The following TXNRD1 variants were observed in gnomAD, a reference collection of about 807,000 sequenced individuals.
TXNRD1 encodes the protein thioredoxin reductase 1.
Under a neutral mutation model 80.3 loss-of-function variants are expected in TXNRD1, and 57 were observed. The ratio of observed to expected loss-of-function variants is 0.71; its 90% CI spans 0.57 to 0.89. The LOEUF (loss-of-function observed/expected upper bound fraction) is 0.89. TXNRD1 is among the 40% of genes least tolerant of loss of function. TXNRD1 has a pLI of 0.00. For synonymous variants in TXNRD1, 291 were observed against 285.2 expected (o/e 1.02, Z -0.20); for missense variants, 730 against 803.0 (o/e 0.91, Z 1.10).
intron 4 of TXNRD1, among the ~76,000 whole-genome samples, chr12:104,290,751 ATATATATG>A (rs1360772111): frequency 2.6e-5 from 3 of 117,526 alleles, no homozygotes; most frequent in Non-Finnish European, 5.3e-5. Context: ...ATATATATAT[ATATATATG>A]TATATTTCTT....
At chr12:104,222,638 AG>A (rs2032380973) in intron 1 of TXNRD1, among the ~76,000 whole-genome samples, 1 of 152,196 alleles carries the variant, frequency 6.6e-6, no homozygotes. Flanking sequence ...AGATCACTTG[AG>A]GTCAGGAGTT....
At chr12:104,318,561 C>T (rs1205313158) in intron 7 of TXNRD1, among the ~76,000 whole-genome samples, 2 of 152,210 alleles carry the variant, frequency 1.3e-5, no homozygotes, top group Non-Finnish European at 2.9e-5. Flanking sequence ...CCATACTCGG[C>T]TACATCAGAA....
At chr12:104,275,800 A>T (rs1453361405) in intron 3 of TXNRD1, among the ~76,000 whole-genome samples, 1 of 152,216 alleles carries the variant, frequency 6.6e-6, no homozygotes, top group African/African-American at 2.4e-5. Flanking sequence ...TCATGGATTT[A>T]TACCATGCAT....
intron 1 of TXNRD1, among the ~76,000 whole-genome samples, chr12:104,224,050 T>C (rs1033813909): frequency 3.9e-5 from 6 of 152,234 alleles, no homozygotes; most frequent in Admixed American, 3.3e-4. Flanking sequence ...TGATGAAATT[T>C]CTTTAAGGAT....
At position 104,348,365 on chromosome 12, in the gene TXNRD1, T is replaced by C. The variant is rs769813432; in HGVS notation, c.1894T>C (p.Leu632=). The change falls in exon 17 of 17, where the codon TTG becomes CTG. Residue 632 remains leucine (L), a synonymous_variant. Coordinates refer to ENST00000525566, the MANE Select transcript of TXNRD1 (RefSeq NM_001093771.3). ...TCTTCCCCTGCAGGTATTCACAACA[T>C]TGTCTGTGACCAAGCGCTCTGGGGC... The part of the protein sequence containing the change: ...HPVCAEVFTT[L]SVTKRSGASI... The C allele has an allele frequency of 6.8e-6, 11 of 1,613,922 alleles. No individual in the cohort carries two copies. The African/African-American group carries it at 1.5e-4, about 22-fold the overall frequency.
chr12:104,308,609 A>G (rs1053511425), intron 4 of TXNRD1, among the ~76,000 whole-genome samples: 9 of 152,166 alleles, frequency 5.9e-5, no homozygotes, highest in South Asian at 4.1e-4. Flanking sequence ...TGGAGTCTCA[A>G]TTTTAAAGCT....
At chr12:104,304,214 GT>G in intron 4 of TXNRD1, 1 of 1,614,046 alleles carries the variant, frequency 6.2e-7, no homozygotes, top group South Asian at 1.1e-5. Flanking sequence ...CCGGTTTCTT[GT>G]TATGGCTTCT....
chr12:104,329,836 C>T (rs2135858953), intron 13 of TXNRD1, among the ~76,000 whole-genome samples: 3 of 152,258 alleles, frequency 2.0e-5, no homozygotes, highest in Middle Eastern at 6.8e-3. Flanking sequence ...CCAGGAAAGA[C>T]CCTGGGCTCT....
In TXNRD1 at chr12:104,288,832, C is replaced by G. The variant is rs780805246; in HGVS notation, c.305-99C>G. 1.9e-6 allele frequency: 3 copies of G among 1,609,798 alleles called. No individual in the cohort carries two copies. In the African/African-American group the frequency reaches 4.0e-5, roughly 22 times the overall value. ...GGAGTCAACAGAGGGCACGCGGTGC[C>G]TGCGGGGCCGGGACGGAAGCCCCGC... On this transcript the variant is annotated intron_variant, in intron 3 of 16. Transcript: ENST00000525566.
chr12:104,289,749 A>G (rs1470089601), intron 4 of TXNRD1, among the ~76,000 whole-genome samples: 1 of 152,036 alleles, frequency 6.6e-6, no homozygotes, highest in African/African-American at 2.4e-5. Flanking sequence ...TAAAAAAAAA[A>G]AACAGTCTTG....
intron 3 of TXNRD1, chr12:104,265,369 A>G: frequency 5.6e-6 from 9 of 1,608,758 alleles, no homozygotes; most frequent in South Asian, 2.2e-5. Flanking sequence ...GCCCACCCCC[A>G]AATGCCACAC....
At chr12:104,263,136 A>G (rs2033404552) in intron 3 of TXNRD1, among the ~76,000 whole-genome samples, 1 of 152,166 alleles carries the variant, frequency 6.6e-6, no homozygotes, top group Admixed American at 6.5e-5. Context: ...AGGTAGTGGT[A>G]GTAGTCATAC....
At chr12:104,295,839 T>C (rs1428705449) in intron 4 of TXNRD1, among the ~76,000 whole-genome samples, 6 of 152,208 alleles carry the variant, frequency 3.9e-5, no homozygotes, top group African/African-American at 1.4e-4. Flanking sequence ...GCTAGTCTTA[T>C]TCTTTATGCC....
rs2036601665 is a variant in TXNRD1, at chr12:104,350,205, G to A, written c.*1784G>A. The A allele has an allele frequency of 6.6e-6, 1 of 151,860 alleles. No individual in the cohort carries two copies. The highest frequency in any genetic ancestry group is 2.4e-5 in the African/African-American group (1 of 41,282). The allele number at this position is 151,860 out of a possible 1,614,324, so 9.4% of individuals were successfully genotyped here. On this transcript the variant is annotated 3_prime_UTR_variant, in exon 17 of 17. Coordinates refer to ENST00000525566, the MANE Select transcript of TXNRD1 (RefSeq NM_001093771.3). ...CCCATTTTATTGAAACATATACTAA[G>A]TTCCATGTATTTTTGTTACAAATCT...
At chr12:104,338,906 C>T (rs369039603) in intron 15 of TXNRD1, among the ~76,000 whole-genome samples, 26 of 151,900 alleles carry the variant, frequency 1.7e-4, no homozygotes, top group African/African-American at 5.5e-4. Flanking sequence ...TTAGTAGAGA[C>T]GGGGTTTCAC....
chr12:104,337,006 T>G (rs955870865), intron 15 of TXNRD1, among the ~76,000 whole-genome samples: 1 of 149,342 alleles, frequency 6.7e-6, no homozygotes, highest in Non-Finnish European at 1.5e-5. Context: ...AGTCGAAGGG[T>G]CTCATGCTTA....
rs373323562 is a variant in TXNRD1 at position 104,294,107 on chromosome 12, C to T, written c.414+5067C>T. Among the ~76,000 whole-genome samples, 1,302 of 152,206 alleles carry T rather than the reference C, an allele frequency of 8.6e-3. 8 individuals carry two copies. The highest frequency in any genetic ancestry group is 0.014 in the Non-Finnish European group (925 of 67,996). On this transcript the variant is annotated intron_variant, in intron 4 of 16. Coordinates refer to ENST00000525566, the MANE Select transcript of TXNRD1 (RefSeq NM_001093771.3). ...ACATGAAGGCGGACTAGGAGTGTGACCACTGAAGCACAGCATCACAGGGAG... is the reference window on the plus strand; with the variant it reads ...ACATGAAGGCGGACTAGGAGTGTGATCACTGAAGCACAGCATCACAGGGAG...
intron 2 of TXNRD1, 22 bp downstream of exon 2, chr12:104,251,700 G>T (rs767290761): frequency 6.2e-7 from 1 of 1,601,994 alleles, no homozygotes; most frequent in Non-Finnish European, 8.5e-7. Flanking sequence ...AACTCAAGGG[G>T]TTTAAATGGA....
intron 1 of TXNRD1, among the ~76,000 whole-genome samples, chr12:104,219,882 T>C (rs903230338): frequency 6.6e-6 from 1 of 152,132 alleles, no homozygotes; most frequent in Non-Finnish European, 1.5e-5. Context: ...TTTTTCAAAG[T>C]GCGGTCCTAA....
Sources: gnomAD v4.1 joint callset for allele counts (sites outside exome capture counted in the v4.1 genomes callset) on GRCh38, gnomAD v4.1.1 for gene constraint, MANE v1.5 for transcripts, NCBI Gene and HGNC (gene_info 2026-07-23, HGNC 2026-07-21) for gene names.